Variants in ZEB1 observed in about 807,000 individuals in gnomAD.
The protein encoded by ZEB1 is zinc finger E-box-binding homeobox 1.
In ZEB1, 21 loss-of-function variants were observed where a neutral mutation model predicts 84.9. That is an observed-to-expected ratio of 0.25 (90% CI 0.18 to 0.36). ZEB1 has a LOEUF of 0.36. ZEB1 is among the 10% of genes least tolerant of loss of function. The pLI, the probability that ZEB1 is intolerant of heterozygous loss-of-function variation, is 1.00. For missense variants in ZEB1, 1,104 were observed against 1,330.2 expected, an observed-to-expected ratio of 0.83 and a Z score of 2.65; for synonymous variants, 420 against 471.1, an observed-to-expected ratio of 0.89 and a Z score of 1.41.
chr10:31,441,519 A>T (rs1172105842), intron 1 of ZEB1, among the ~76,000 whole-genome samples: 1 of 152,252 alleles, frequency 6.6e-6, no homozygotes. Flanking sequence ...TGTCTAAAAC[A>T]GCAAAAGCAA....
intron 2 of ZEB1, among the ~76,000 whole-genome samples, chr10:31,489,479 T>C (rs1565093348): frequency 6.6e-6 from 1 of 151,388 alleles, no homozygotes. Context: ...TCATAAAATG[T>C]TTTATGTTTG....
Position 31,363,500 on chromosome 10 carries a change from C to T in ZEB1, c.58+44208C>T, listed in dbSNP as rs1053719553. 7.8e-6 allele frequency: 12 copies of T among 1,530,576 alleles called. No homozygotes were observed. In the African/African-American group the frequency reaches 1.6e-4, roughly 21 times the overall value. 94.8% of individuals were successfully genotyped at this position (1,530,576 alleles called of 1,614,324 possible). Reference sequence around the variant, plus strand: ...TCCAGGGGCCTAGAGGTGGAGGCTGCTTCCCCATTGCTACAGGGGCCCCTT... The same window carrying T: ...TCCAGGGGCCTAGAGGTGGAGGCTGTTTCCCCATTGCTACAGGGGCCCCTT... On this transcript the variant is annotated intron_variant, in intron 1 of 8. Transcript: ENST00000424869.
intron 1 of ZEB1, among the ~76,000 whole-genome samples, chr10:31,436,765 C>T (rs7921230): frequency 0.015 from 2,341 of 152,158 alleles, 56 homozygotes; most frequent in African/African-American, 0.052. Flanking sequence ...TGTGACAGGT[C>T]ATAATTTCTT....
chr10:31,323,436 G>T (rs1449651853), intron 1 of ZEB1, among the ~76,000 whole-genome samples: 2 of 152,062 alleles, frequency 1.3e-5, no homozygotes, highest in Non-Finnish European at 2.9e-5. Context: ...AGCTACTAAC[G>T]GAGGTGGTAA....
intron 2 of ZEB1, among the ~76,000 whole-genome samples, chr10:31,493,153 A>G (rs2066783813): frequency 2.0e-5 from 3 of 151,942 alleles, no homozygotes; most frequent in Non-Finnish European, 4.4e-5. Flanking sequence ...CCTGGCAACC[A>G]CTAATCTCCA....
At chr10:31,491,796 G>A (rs574346608) in intron 2 of ZEB1, among the ~76,000 whole-genome samples, 1 of 151,990 alleles carries the variant, frequency 6.6e-6, no homozygotes, top group East Asian at 1.9e-4. Flanking sequence ...CATTATCTAA[G>A]TTAATGGGTG....
chr10:31,468,860 C>A (rs2062785670), intron 2 of ZEB1, among the ~76,000 whole-genome samples: 1 of 152,072 alleles, frequency 6.6e-6, no homozygotes, highest in East Asian at 1.9e-4. Flanking sequence ...AGCTCCAACA[C>A]CAGGAAGAAA....
At position 31,527,449 on chromosome 10, in the gene ZEB1, A is replaced by ACC; in HGVS notation, c.*186_*187insCC. The ACC allele has an allele frequency of 1.3e-6, 1 of 741,146 alleles. No homozygotes were observed. Among genetic ancestry groups the ACC allele is most frequent in the South Asian group, 2.0e-5 (1 of 50,236 alleles). The allele number at this position is 741,146 out of a possible 1,614,324, so 45.9% of individuals were successfully genotyped here. On this transcript the variant is annotated 3_prime_UTR_variant, in exon 9 of 9. Coordinates refer to ENST00000424869, the MANE Select transcript of ZEB1 (RefSeq NM_001174096.2). ...CACACACACACACACACACACACACACACAAAATAAATCCGGGTGTGCCTG... is the reference window on the plus strand; with the variant it reads ...CACACACACACACACACACACACACACCCACAAAATAAATCCGGGTGTGCCTG...
At chr10:31,376,752 T>C (rs1429286989) in intron 1 of ZEB1, among the ~76,000 whole-genome samples, 1 of 151,644 alleles carries the variant, frequency 6.6e-6, no homozygotes, top group Non-Finnish European at 1.5e-5. Flanking sequence ...TTATTTGATA[T>C]ATGAAAATGC....
chr10:31,373,428 T>C (rs1033986374), intron 1 of ZEB1, among the ~76,000 whole-genome samples: 5 of 151,854 alleles, frequency 3.3e-5, no homozygotes, highest in African/African-American at 1.2e-4. Flanking sequence ...TCATGTCTGG[T>C]TTAAAAATTC....
chr10:31,336,591 G>A lies in ZEB1; in HGVS notation c.58+17299G>A, dbSNP rs1381490578. Among the ~76,000 whole-genome samples, 5 of 152,222 alleles carry A rather than the reference G, an allele frequency of 3.3e-5. No individual in the cohort carries two copies. The East Asian group carries it at 7.7e-4, about 23-fold the overall frequency. On this transcript the variant is annotated intron_variant, in intron 1 of 8. Coordinates refer to ENST00000424869, the MANE Select transcript of ZEB1 (RefSeq NM_001174096.2). ...TTGTTTCACTAATAGATACTGTAGA[G>A]TGCCTAATCCCGTATTTAGCACATA...
Position 31,319,389 on chromosome 10 carries a change from G to C in ZEB1, c.58+97G>C, listed in dbSNP as rs1589877197. 10 of 1,245,350 alleles carry C rather than the reference G, an allele frequency of 8.0e-6. No homozygotes were observed. In the East Asian group the frequency reaches 2.4e-4, roughly 30 times the overall value. The allele number at this position is 1,245,350 out of a possible 1,614,324, so 77.1% of individuals were successfully genotyped here. On this transcript the variant is annotated intron_variant, in intron 1 of 8. Transcript: ENST00000424869. ...AGGGGGGCGAGCCGGGCTGGGGGCA[G>C]CCGGGGCAGGGACGGCAAAGTGGAG... is the stretch of plus-strand genomic sequence containing the variant.
In ZEB1 at chr10:31,521,948, C is replaced by T; in HGVS notation, c.2604+12C>T. The T allele has an allele frequency of 6.2e-7, 1 of 1,613,918 alleles. No homozygotes were observed. Among genetic ancestry groups the T allele is most frequent in the Non-Finnish European group, 8.5e-7 (1 of 1,179,914 alleles). ...CAAATGGAAATCAGGTAAAAAATAA[C>T]CTCCATCCTGAACCTGGCTAGTAAT... On this transcript the variant is annotated intron_variant, in intron 7 of 8. Coordinates refer to ENST00000424869, the MANE Select transcript of ZEB1 (RefSeq NM_001174096.2).
chr10:31,503,828 T>C (rs942054506), intron 4 of ZEB1, among the ~76,000 whole-genome samples: 2 of 151,986 alleles, frequency 1.3e-5, no homozygotes, highest in African/African-American at 4.8e-5. Flanking sequence ...ATGGTGAGCA[T>C]TTTTTTGTAT....
intron 1 of ZEB1, among the ~76,000 whole-genome samples, chr10:31,390,050 A>AT (rs1249185156): frequency 6.6e-6 from 1 of 152,168 alleles, no homozygotes; most frequent in African/African-American, 2.4e-5. Flanking sequence ...GAGTTTCCAA[A>AT]TTTAGCAGAA....
At chr10:31,451,460 G>C (rs2060559836) in intron 1 of ZEB1, among the ~76,000 whole-genome samples, 2 of 151,820 alleles carry the variant, frequency 1.3e-5, no homozygotes, top group Admixed American at 6.6e-5. Context: ...TTGTATTTTT[G>C]ATTTTGTCTT....
chr10:31,421,719 G>A (rs2056192039), intron 1 of ZEB1, among the ~76,000 whole-genome samples: 1 of 151,894 alleles, frequency 6.6e-6, no homozygotes, highest in Admixed American at 6.6e-5. Context: ...TTTTCTCTTT[G>A]TTCTCTACCT....
At chr10:31,333,316 A>C (rs1237638948) in intron 1 of ZEB1, among the ~76,000 whole-genome samples, 3 of 150,536 alleles carry the variant, frequency 2.0e-5, no homozygotes, top group African/African-American at 7.5e-5. Flanking sequence ...GTATTGGATC[A>C]TACTTCCACC....
At chr10:31,336,536 G>A (rs751437569) in intron 1 of ZEB1, among the ~76,000 whole-genome samples, 23 of 152,158 alleles carry the variant, frequency 1.5e-4, no homozygotes, top group South Asian at 1.2e-3. Context: ...CAAAAGATTG[G>A]CAAATATGAC....
Sources: gnomAD v4.1 joint callset for allele counts (sites outside exome capture counted in the v4.1 genomes callset) on GRCh38, gnomAD v4.1.1 for gene constraint, MANE v1.5 for transcripts, NCBI Gene and HGNC (gene_info 2026-07-23, HGNC 2026-07-21) for gene names.